The following DNAJC5B variants were observed in gnomAD, a reference collection of about 807,000 sequenced individuals.
DNAJC5B encodes dnaJ homolog subfamily C member 5B.
A neutral mutation model predicts 24.7 loss-of-function variants in DNAJC5B; 23 were observed. The ratio of observed to expected loss-of-function variants is 0.93; its 90% CI spans 0.67 to 1.32. The LOEUF (loss-of-function observed/expected upper bound fraction) is 1.32, where lower values mean the gene tolerates loss of function less well. Ranked by LOEUF, DNAJC5B falls within the 40% of genes most tolerant of loss-of-function variation. DNAJC5B has a pLI of 0.00. For synonymous variants in DNAJC5B, 101 were observed against 90.1 expected, an observed-to-expected ratio of 1.12 and a Z score of -0.68; for missense variants, 238 against 240.8, an observed-to-expected ratio of 0.99 and a Z score of 0.08.
chr8:66,027,003 CA>C (rs1162222287), intron 1 of DNAJC5B, among the ~76,000 whole-genome samples: 3 of 152,152 alleles, frequency 2.0e-5, no homozygotes. Context: ...GTGTAGTGGT[CA>C]AGTTTGGGCT....
chr8:66,036,621 G>T (rs1452144536), intron 1 of DNAJC5B, among the ~76,000 whole-genome samples: 2 of 152,104 alleles, frequency 1.3e-5, no homozygotes, highest in Non-Finnish European at 2.9e-5. Flanking sequence ...TTGATTTGGG[G>T]TGAGAAATAT....
At position 66,027,392 on chromosome 8, in the gene DNAJC5B, G is replaced by A. The variant is rs1586060151; in HGVS notation, c.-142+5687G>A. ...GCCTGGGGAAAATGTTACGAGCTGA[G>A]TCATGAATACTGTCCTTTTAAGTTA... On this transcript the variant is annotated intron_variant, in intron 1 of 5. Coordinates refer to ENST00000276570, the MANE Select transcript of DNAJC5B (RefSeq NM_033105.6). Among the ~76,000 whole-genome samples the A allele has an allele frequency of 2.0e-5, 3 of 152,318 alleles. No individual in the cohort carries two copies. In the East Asian group the frequency reaches 5.8e-4, roughly 29 times the overall value.
At chr8:66,052,818 G>C (rs1806880665) in intron 3 of DNAJC5B, among the ~76,000 whole-genome samples, 1 of 152,152 alleles carries the variant, frequency 6.6e-6, no homozygotes, top group African/African-American at 2.4e-5. Flanking sequence ...ACTGTCTCTT[G>C]GCTAGTTGGA....
intron 2 of DNAJC5B, among the ~76,000 whole-genome samples, chr8:66,044,200 C>G (rs1806677395): frequency 6.6e-6 from 1 of 152,116 alleles, no homozygotes; most frequent in Non-Finnish European, 1.5e-5. Context: ...TTTGGAAGTT[C>G]ATTTAGCTTT....
chr8:66,061,507 TG>T (rs1307063690), intron 3 of DNAJC5B, among the ~76,000 whole-genome samples: 2 of 151,832 alleles, frequency 1.3e-5, no homozygotes, highest in Non-Finnish European at 2.9e-5. Context: ...CCATACATAA[TG>T]GCAGTTTCCA....
chr8:66,055,526 AAGGAAAAC>A (rs1437780154), intron 3 of DNAJC5B, among the ~76,000 whole-genome samples: 4 of 152,362 alleles, frequency 2.6e-5, no homozygotes, highest in African/African-American at 7.2e-5. Flanking sequence ...ATTTGATTAA[AAGGAAAAC>A]AGGTATATAA....
intron 3 of DNAJC5B, among the ~76,000 whole-genome samples, chr8:66,074,964 C>T (rs2128963499): frequency 6.6e-6 from 1 of 152,244 alleles, no homozygotes; most frequent in East Asian, 1.9e-4. Context: ...GTGCATCTGC[C>T]CTTGTGAGCT....
intron 1 of DNAJC5B, among the ~76,000 whole-genome samples, chr8:66,033,896 C>T (rs1806416902): frequency 6.7e-6 from 1 of 149,804 alleles, no homozygotes; most frequent in African/African-American, 2.5e-5. Context: ...TGGATGGTGT[C>T]CAGAGATGTG....
intron 2 of DNAJC5B, among the ~76,000 whole-genome samples, chr8:66,045,971 A>G (rs926875441): frequency 1.3e-5 from 2 of 152,180 alleles, no homozygotes; most frequent in African/African-American, 4.8e-5. Context: ...CCATCCTGTC[A>G]CCACCCAGTC....
intron 1 of DNAJC5B, among the ~76,000 whole-genome samples, chr8:66,039,578 G>A (rs148336553): frequency 0.049 from 7,502 of 152,088 alleles, 606 homozygotes; most frequent in African/African-American, 0.17. Context: ...TCGAGCTCCC[G>A]ACCTCAGGTG....
intron 1 of DNAJC5B, among the ~76,000 whole-genome samples, chr8:66,029,887 G>C (rs951302015): frequency 9.9e-5 from 15 of 152,104 alleles, no homozygotes; most frequent in African/African-American, 3.6e-4. Context: ...GGGTGGTCGA[G>C]AGCCCCTCAG....
chr8:66,082,024 G>A (rs1675628433), intron 5 of DNAJC5B, among the ~76,000 whole-genome samples: 1 of 152,048 alleles, frequency 6.6e-6, no homozygotes, highest in African/African-American at 2.4e-5. Flanking sequence ...TTCAGGAAAA[G>A]GTCCGTGACA....
At chr8:66,030,869 T>G (rs1806345233) in intron 1 of DNAJC5B, among the ~76,000 whole-genome samples, 1 of 152,182 alleles carries the variant, frequency 6.6e-6, no homozygotes, top group South Asian at 2.1e-4. Context: ...ACTCCTGACC[T>G]CAAGAGATCT....
intron 5 of DNAJC5B, among the ~76,000 whole-genome samples, chr8:66,085,028 T>C (rs1807690024): frequency 6.6e-6 from 1 of 152,220 alleles, no homozygotes; most frequent in South Asian, 2.1e-4. Context: ...TTTTTTCTTC[T>C]TGAATATGGA....
At chr8:66,062,150 T>C (rs72650559) in intron 3 of DNAJC5B, among the ~76,000 whole-genome samples, 10,710 of 152,340 alleles carry the variant, frequency 0.07, 513 homozygotes, top group Non-Finnish European at 0.11. Context: ...ACCATGCTAG[T>C]ATTTGCTGAA....
intron 5 of DNAJC5B, among the ~76,000 whole-genome samples, chr8:66,098,306 A>T (rs1807998363): frequency 6.6e-6 from 1 of 152,060 alleles, no homozygotes; most frequent in African/African-American, 2.4e-5. Flanking sequence ...GGGTTCAAGC[A>T]ATTCTCCTTG....
intron 4 of DNAJC5B, 124 bp from the exon 5 acceptor site, chr8:66,080,253 C>A: frequency 7.3e-7 from 1 of 1,362,980 alleles, no homozygotes; most frequent in African/African-American, 1.5e-5. Context: ...GAAGATGTGG[C>A]CTGTGGGGTG....
chr8:66,020,880 C>T (rs531464974), upstream of DNAJC5B, among the ~76,000 whole-genome samples: 162 of 152,252 alleles, frequency 1.1e-3, 3 homozygotes, highest in South Asian at 0.033. Context: ...TCAAGTGATC[C>T]TCCCACCTCA....
intron 2 of DNAJC5B, among the ~76,000 whole-genome samples, chr8:66,046,099 G>T (rs1339958839): frequency 6.6e-6 from 1 of 152,076 alleles, no homozygotes; most frequent in Admixed American, 6.5e-5. Flanking sequence ...GAGCCACAGG[G>T]CTTCCTGGAA....
Sources: allele counts gnomAD v4.1 joint callset (sites outside exome capture counted in the v4.1 genomes callset), GRCh38; gene constraint gnomAD v4.1.1; transcripts MANE v1.5; gene names NCBI Gene and HGNC (gene_info 2026-07-23, HGNC 2026-07-21).